BMPER: variants seen among roughly 807,000 people sequenced by gnomAD.
BMPER encodes BMP binding endothelial regulator.
A neutral mutation model predicts 87.3 loss-of-function variants in BMPER; 45 were observed. The ratio of observed to expected loss-of-function variants is 0.52; its 90% CI spans 0.41 to 0.66. The LOEUF (loss-of-function observed/expected upper bound fraction) is 0.66, where lower values mean the gene tolerates loss of function less well. BMPER is among the 30% of genes least tolerant of loss of function. The pLI is 0.00. For synonymous variants in BMPER, 326 were observed against 316.2 expected (o/e 1.03, Z -0.33); for missense variants, 784 against 867.5 (o/e 0.90, Z 1.21).
At chr7:34,138,619 C>T (rs933166305) in intron 13 of BMPER, among the ~76,000 whole-genome samples, 1 of 152,204 alleles carries the variant, frequency 6.6e-6, no homozygotes, top group Non-Finnish European at 1.5e-5. Context: ...TTTCTAGATA[C>T]ATTAATTTGA....
chr7:33,974,893 T>C, intron 6 of BMPER, 109 bp downstream of exon 6: 1 of 1,096,596 alleles, frequency 9.1e-7, no homozygotes, highest in Non-Finnish European at 1.4e-6. Context: ...CCTCTCTGGG[T>C]AAAAGTCCGT....
At chr7:34,148,692 A>G (rs534010019) in intron 14 of BMPER, among the ~76,000 whole-genome samples, 35 of 152,328 alleles carry the variant, frequency 2.3e-4, no homozygotes, top group Admixed American at 1.7e-3. Context: ...CCTTAATAGT[A>G]GAAAGGTAAG....
intron 2 of BMPER, among the ~76,000 whole-genome samples, chr7:33,925,198 C>T (rs993606701): frequency 2.6e-5 from 4 of 152,110 alleles, no homozygotes; most frequent in Non-Finnish European, 2.9e-5. Flanking sequence ...ATTTGTTGGG[C>T]GAATTCATCT....
At chr7:34,063,762 C>G (rs1282403667) in intron 11 of BMPER, among the ~76,000 whole-genome samples, 6 of 152,030 alleles carry the variant, frequency 3.9e-5, no homozygotes, top group Admixed American at 2.6e-4. Flanking sequence ...CCAGTTAATT[C>G]CCTTCTGGAT....
intron 5 of BMPER, among the ~76,000 whole-genome samples, chr7:33,973,292 G>A (rs148470816): frequency 4.6e-5 from 7 of 152,318 alleles, no homozygotes; most frequent in African/African-American, 1.7e-4. Flanking sequence ...AGAGAGACGA[G>A]TGGGCATCTG....
At chr7:34,080,773 C>T (rs1174034040) in intron 12 of BMPER, among the ~76,000 whole-genome samples, 1 of 152,164 alleles carries the variant, frequency 6.6e-6, no homozygotes, top group African/African-American at 2.4e-5. Context: ...GCCTAGTTCT[C>T]AAAGAAATCT....
At chr7:34,086,298 G>A (rs1789207975) in intron 13 of BMPER, among the ~76,000 whole-genome samples, 1 of 152,160 alleles carries the variant, frequency 6.6e-6, no homozygotes, top group African/African-American at 2.4e-5. Flanking sequence ...GTATTTCAGA[G>A]CGATGTCCTC....
At chr7:33,921,691 G>A in intron 2 of BMPER, 1 of 469,358 alleles carries the variant, frequency 2.1e-6, no homozygotes, top group South Asian at 1.6e-5. Context: ...TTCCCACAGG[G>A]ATACGCTCTG....
At chr7:34,117,438 C>T (rs1583455385) in intron 13 of BMPER, among the ~76,000 whole-genome samples, 1 of 152,126 alleles carries the variant, frequency 6.6e-6, no homozygotes, top group Admixed American at 6.5e-5. Context: ...TATCTTGTCC[C>T]AGGCCCCTTC....
At chr7:34,066,255 G>A (rs1788587068) in intron 11 of BMPER, among the ~76,000 whole-genome samples, 1 of 152,192 alleles carries the variant, frequency 6.6e-6, no homozygotes, top group Admixed American at 6.5e-5. Flanking sequence ...CAATGCCGTT[G>A]TCCTCCCCAC....
Position 34,091,269 on chromosome 7 carries a change from A to T in BMPER, c.1745+5177A>T, listed in dbSNP as rs74584394. ...TATGTGTTTGTGTATGAGAAAAATC[A>T]TATAAAGCTAAATGCTATTCTATAA... On this transcript the variant is annotated intron_variant, in intron 13 of 14. Transcript: ENST00000649409. Among the ~76,000 whole-genome samples the T allele has an allele frequency of 5.3e-5, 8 of 152,370 alleles. No individual in the cohort carries two copies. The East Asian group carries it at 1.2e-3, about 22-fold the overall frequency.
At chr7:33,921,214 T>C (rs1251706854) in intron 2 of BMPER, among the ~76,000 whole-genome samples, 1 of 152,210 alleles carries the variant, frequency 6.6e-6, no homozygotes, top group African/African-American at 2.4e-5. Flanking sequence ...GATCAAAATA[T>C]CTAGAACAGC....
At chr7:34,088,952 G>A (rs948701147) in intron 13 of BMPER, among the ~76,000 whole-genome samples, 7 of 152,186 alleles carry the variant, frequency 4.6e-5, no homozygotes, top group East Asian at 1.9e-4. Context: ...CATTGCAATC[G>A]TTTAAAAAAC....
chr7:33,994,621 C>T (rs1299312305), intron 6 of BMPER, among the ~76,000 whole-genome samples: 2 of 152,206 alleles, frequency 1.3e-5, no homozygotes, highest in Admixed American at 1.3e-4. Flanking sequence ...GGAGCTGTTC[C>T]TATTCGGCCA....
intron 3 of BMPER, among the ~76,000 whole-genome samples, chr7:33,965,663 G>A (rs1003938820): frequency 1.8e-4 from 27 of 152,082 alleles, no homozygotes; most frequent in African/African-American, 4.8e-4. Flanking sequence ...TATAGGCATC[G>A]CCAAGTGTGT....
chr7:34,051,939 T>C lies in BMPER; in HGVS notation c.755T>C (p.Leu252Pro). ...GTTTATGACAATGGATCCTCATTTC[T>C]GTACGATAACTGCACAGCTTGTACC... ...SDVYDNGSSF[L>P]YDNCTACTCR... The change falls in exon 8 of 15, where the codon CTG (leucine) becomes CCG (proline). Residue 252 changes from leucine (L) to proline (P), a missense_variant. By Grantham distance (98) the Leu-to-Pro change is moderately conservative. Transcript: ENST00000649409. 1 of 1,614,006 alleles carries C rather than the reference T, an allele frequency of 6.2e-7. No individual in the cohort carries two copies.
intron 13 of BMPER, among the ~76,000 whole-genome samples, chr7:34,129,614 G>GAGAGAA (rs1790509895): frequency 6.1e-5 from 3 of 48,822 alleles, no homozygotes; most frequent in African/African-American, 8.5e-5. Flanking sequence ...GAGAGAAAGA[G>GAGAGAA]AGAGAGAGAG....
At chr7:34,058,271 C>T in intron 10 of BMPER, 108 bp downstream of exon 10, 2 of 1,037,902 alleles carry the variant, frequency 1.9e-6, no homozygotes, top group Non-Finnish European at 2.9e-6. Context: ...CCCCCAAAGC[C>T]TCTACATTCC....
chr7:33,971,468 G>A (rs148952844), intron 5 of BMPER, among the ~76,000 whole-genome samples: 144 of 152,248 alleles, frequency 9.5e-4, no homozygotes, highest in African/African-American at 3.2e-3. Context: ...TATTGTTCAT[G>A]AGCTTACATG....
Sources: allele counts gnomAD v4.1 joint callset (sites outside exome capture counted in the v4.1 genomes callset), GRCh38; gene constraint gnomAD v4.1.1; transcripts MANE v1.5; gene names NCBI Gene and HGNC (gene_info 2026-07-23, HGNC 2026-07-21).